The following SCTR variants were observed in gnomAD, a reference collection of about 807,000 sequenced individuals.
The protein encoded by SCTR is pancreatic secretin receptor.
Under a neutral mutation model 60.8 loss-of-function variants are expected in SCTR, and 56 were observed. The ratio of observed to expected loss-of-function variants is 0.92; its 90% CI spans 0.74 to 1.15. The LOEUF (loss-of-function observed/expected upper bound fraction) is 1.15, where lower values mean the gene tolerates loss of function less well. Among genes scored for constraint, SCTR ranks in the 50% most tolerant of loss-of-function variants. SCTR has a pLI of 0.00. For missense variants in SCTR, 562 were observed against 550.4 expected, an observed-to-expected ratio of 1.02 and a Z score of -0.21; for synonymous variants, 202 against 217.0, an observed-to-expected ratio of 0.93 and a Z score of 0.61.
chr2:119,488,064 G>C (rs754546938), intron 2 of SCTR, among the ~76,000 whole-genome samples: 1 of 152,150 alleles, frequency 6.6e-6, no homozygotes, highest in Non-Finnish European at 1.5e-5. Context: ...CTTGGCCCTG[G>C]CTTCTGACCC....
At chr2:119,470,969 G>A (rs958903451) in intron 4 of SCTR, among the ~76,000 whole-genome samples, 33 of 152,334 alleles carry the variant, frequency 2.2e-4, no homozygotes, top group Admixed American at 1.5e-3. Flanking sequence ...CCAAAGTGGT[G>A]GGATTACAGG....
At chr2:119,489,711 G>A (rs993606076) in intron 2 of SCTR, among the ~76,000 whole-genome samples, 1 of 152,188 alleles carries the variant, frequency 6.6e-6, no homozygotes, top group African/African-American at 2.4e-5. Flanking sequence ...GTCTGCATGT[G>A]CAAAGGTTGG....
chr2:119,473,430 G>T (rs757443032), intron 4 of SCTR, 23 bp downstream of exon 4: 2 of 1,550,864 alleles, frequency 1.3e-6, no homozygotes, highest in Non-Finnish European at 1.8e-6. Flanking sequence ...CCGGGTTCGT[G>T]GGGTGGAGGT....
intron 1 of SCTR, among the ~76,000 whole-genome samples, chr2:119,509,779 C>T (rs1678873414): frequency 6.6e-6 from 1 of 152,070 alleles, no homozygotes; most frequent in Admixed American, 6.6e-5. Flanking sequence ...CGAACAGAAG[C>T]TCTGAACTCA....
At chr2:119,516,220 A>G (rs1558884160) in intron 1 of SCTR, among the ~76,000 whole-genome samples, 9 of 152,240 alleles carry the variant, frequency 5.9e-5, no homozygotes. Context: ...TTCTGGTCAT[A>G]AACCCAAAGG....
chr2:119,456,021 A>C (rs1683361742), intron 7 of SCTR, among the ~76,000 whole-genome samples: 1 of 151,842 alleles, frequency 6.6e-6, no homozygotes, highest in Non-Finnish European at 1.5e-5. Context: ...TGATGCCAAA[A>C]CACAAGACCC....
At chr2:119,449,409 A>G (rs1046008433) in intron 9 of SCTR, among the ~76,000 whole-genome samples, 1 of 148,980 alleles carries the variant, frequency 6.7e-6, no homozygotes, top group Admixed American at 6.6e-5. Context: ...GAGCACTTAA[A>G]ATATCTTTTT....
At chr2:119,523,550 G>A (rs1679357282) in intron 1 of SCTR, among the ~76,000 whole-genome samples, 1 of 151,818 alleles carries the variant, frequency 6.6e-6, no homozygotes, top group African/African-American at 2.4e-5. Flanking sequence ...ACGGTGTGGG[G>A]AGAGCGGCAG....
intron 2 of SCTR, among the ~76,000 whole-genome samples, chr2:119,483,607 C>T (rs1380627529): frequency 2.6e-5 from 4 of 152,324 alleles, no homozygotes; most frequent in Middle Eastern, 3.4e-3. Flanking sequence ...GTGGCCTGTG[C>T]TTTTGGCTGG....
chr2:119,449,971 GGGAGGGAA>G (rs1314017529), intron 9 of SCTR, among the ~76,000 whole-genome samples: 1,132 of 99,912 alleles, frequency 0.011, 18 homozygotes, highest in African/African-American at 0.033. Context: ...GAGGGAGGGA[GGGAGGGAA>G]GGAAGGAAGG....
intron 2 of SCTR, among the ~76,000 whole-genome samples, chr2:119,482,894 G>A (rs566539481): frequency 6.6e-6 from 1 of 152,358 alleles, no homozygotes; most frequent in South Asian, 2.1e-4. Context: ...CCGTCTCAGG[G>A]TTGCAGCAGG....
chr2:119,491,811 A>G (rs563581667), intron 2 of SCTR, among the ~76,000 whole-genome samples: 1 of 152,292 alleles, frequency 6.6e-6, no homozygotes, highest in East Asian at 1.9e-4. Context: ...GTGCCCGGCA[A>G]TCAATTTCTA....
intron 11 of SCTR, among the ~76,000 whole-genome samples, chr2:119,444,452 CGT>C (rs1682817481): frequency 1.4e-5 from 1 of 70,692 alleles, no homozygotes; most frequent in Non-Finnish European, 2.5e-5. Flanking sequence ...TATATACGTA[CGT>C]ATATATATAC....
intron 1 of SCTR, among the ~76,000 whole-genome samples, chr2:119,518,625 T>C (rs547345673): frequency 1.2e-4 from 19 of 152,280 alleles, no homozygotes; most frequent in Middle Eastern, 6.8e-3. Flanking sequence ...CTGTTTGTAA[T>C]GTAAGCAAGT....
intron 3 of SCTR, among the ~76,000 whole-genome samples, chr2:119,473,796 T>A (rs939683597): frequency 2.6e-5 from 4 of 152,070 alleles, no homozygotes; most frequent in Admixed American, 2.0e-4. Flanking sequence ...CAGTCCCCCT[T>A]CTCACCCCAG....
intron 1 of SCTR, among the ~76,000 whole-genome samples, chr2:119,512,461 A>G (rs925853197): frequency 1.3e-5 from 2 of 151,678 alleles, no homozygotes; most frequent in African/African-American, 2.4e-5. Context: ...CAGTGGCGCA[A>G]TCTCAGCTCA....
At chr2:119,441,463 C>T (rs1160018239) in intron 12 of SCTR, 95 bp downstream of exon 12, 2 of 982,234 alleles carry the variant, frequency 2.0e-6, no homozygotes, top group East Asian at 2.5e-5. Context: ...CCTTTCCATC[C>T]CCCTTCCTAC....
At chr2:119,470,026 A>ACT (rs1420568906) in intron 4 of SCTR, among the ~76,000 whole-genome samples, 6 of 152,032 alleles carry the variant, frequency 3.9e-5, no homozygotes, top group Admixed American at 2.6e-4. Flanking sequence ...CAAATACTCA[A>ACT]CTCTGCCCTT....
At chr2:119,469,428 A>C (rs1235213511) in intron 4 of SCTR, among the ~76,000 whole-genome samples, 1 of 151,648 alleles carries the variant, frequency 6.6e-6, no homozygotes, top group East Asian at 1.9e-4. Context: ...GAACCATAAG[A>C]CCTCACCCAC....
Sources: allele counts gnomAD v4.1 joint callset (sites outside exome capture counted in the v4.1 genomes callset), GRCh38; gene constraint gnomAD v4.1.1; transcripts MANE v1.5; gene names NCBI Gene and HGNC (gene_info 2026-07-23, HGNC 2026-07-21).